Variants in MTUS1 observed in about 807,000 individuals in gnomAD.
The protein encoded by MTUS1 is microtubule-associated tumor suppressor 1.
MTUS1 carries 109 observed loss-of-function variants against 120.8 expected under a neutral mutation model. The ratio of observed to expected loss-of-function variants is 0.90; its 90% CI spans 0.77 to 1.06. The LOEUF (loss-of-function observed/expected upper bound fraction) is 1.06. Among genes scored for constraint, MTUS1 ranks in the 50% least tolerant of loss-of-function variants. The pLI, the probability that MTUS1 is intolerant of heterozygous loss-of-function variation, is 0.00. For synonymous variants in MTUS1, 737 were observed against 550.5 expected (o/e 1.34, Z -4.74); for missense variants, 2,210 against 1,486.3 (o/e 1.49, Z -8.01).
chr8:17,715,735 C>T (rs761504665), intron 5 of MTUS1, 32 bp downstream of exon 5: 6 of 1,577,580 alleles, frequency 3.8e-6, no homozygotes, highest in Non-Finnish European at 5.1e-6. Context: ...AGCGTCTTGC[C>T]CTCCCTCTTC....
chr8:17,779,924 A>G (rs977968778), intron 1 of MTUS1, among the ~76,000 whole-genome samples: 5 of 152,178 alleles, frequency 3.3e-5, no homozygotes, highest in Admixed American at 2.6e-4. Flanking sequence ...CTCAACTGTC[A>G]ATGTGACATC....
In MTUS1 at chr8:17,723,294, T is replaced by C. The variant is rs1389315914; in HGVS notation, c.2449+378A>G. 1.4e-4 allele frequency: 37 copies of C among 271,462 alleles called. 1 individual carries two copies. Among genetic ancestry groups the C allele is most frequent in the Non-Finnish European group, 1.5e-5 (2 of 136,314 alleles). 16.8% of individuals were successfully genotyped at this position (271,462 alleles called of 1,614,324 possible). On this transcript the variant is annotated intron_variant, in intron 4 of 14. Transcript: ENST00000693296. Reference sequence around the variant, plus strand: ...AGGATTCAAGTTATATTAGTCCTATTACACAAAATCTAGCATCCAAAGATT... The same window carrying C: ...AGGATTCAAGTTATATTAGTCCTATCACACAAAATCTAGCATCCAAAGATT...
chr8:17,790,998 G>GT (rs1386561396), intron 1 of MTUS1, among the ~76,000 whole-genome samples: 1 of 152,022 alleles, frequency 6.6e-6, no homozygotes, highest in African/African-American at 2.4e-5. Context: ...GCGGGGAGAA[G>GT]TTTTATCCCA....
At chr8:17,657,297 G>A (rs2979796) in intron 8 of MTUS1, among the ~76,000 whole-genome samples, 45,102 of 151,154 alleles carry the variant, frequency 0.3, 7,757 homozygotes, top group East Asian at 0.4. Context: ...GACCGGGCGC[G>A]GTGGCTCACG....
chr8:17,717,171 T>C (rs1822501689), intron 4 of MTUS1, among the ~76,000 whole-genome samples: 1 of 152,192 alleles, frequency 6.6e-6, no homozygotes, highest in Non-Finnish European at 1.5e-5. Flanking sequence ...TTCATTGTTC[T>C]CGTGCCCAAA....
chr8:17,694,243 A>G (rs1817521841), intron 6 of MTUS1, among the ~76,000 whole-genome samples: 2 of 152,170 alleles, frequency 1.3e-5, no homozygotes, highest in Non-Finnish European at 2.9e-5. Context: ...AGCAGTTTCA[A>G]TGCTTCAACA....
intron 1 of MTUS1, among the ~76,000 whole-genome samples, chr8:17,778,379 C>G (rs2050617502): frequency 2.0e-5 from 3 of 152,132 alleles, no homozygotes; most frequent in African/African-American, 7.2e-5. Context: ...GAAAGGGGCA[C>G]AAGGAAACTT....
At chr8:17,716,740 G>C (rs907531367) in intron 4 of MTUS1, 2 of 152,302 alleles carry the variant, frequency 1.3e-5, no homozygotes, top group Non-Finnish European at 2.9e-5. Context: ...ATTTTTAGTG[G>C]AGACGGGGTT....
At chr8:17,745,352 C>T (rs974149889) in intron 2 of MTUS1, among the ~76,000 whole-genome samples, 13 of 152,156 alleles carry the variant, frequency 8.5e-5, no homozygotes, top group African/African-American at 1.7e-4. Flanking sequence ...ATCATCTCCA[C>T]GATCATTACT....
chr8:17,777,420 C>A (rs533656142), intron 1 of MTUS1, among the ~76,000 whole-genome samples: 2 of 146,514 alleles, frequency 1.4e-5, no homozygotes, highest in South Asian at 4.3e-4. Flanking sequence ...GCTTGGGTGA[C>A]AGAGGGAGAC....
At chr8:17,658,022 T>C (rs113968499) in intron 8 of MTUS1, among the ~76,000 whole-genome samples, 26 of 36,364 alleles carry the variant, frequency 7.1e-4, no homozygotes, top group Non-Finnish European at 9.4e-4. Context: ...ACTATATATA[T>C]AGACACACAC....
At chr8:17,735,132 A>T (rs984482752) in intron 3 of MTUS1, among the ~76,000 whole-genome samples, 1 of 152,032 alleles carries the variant, frequency 6.6e-6, no homozygotes, top group African/African-American at 2.4e-5. Flanking sequence ...TAGTCTCTAC[A>T]TATTTTTACT....
At chr8:17,749,718 C>G (rs1055501063) in intron 2 of MTUS1, among the ~76,000 whole-genome samples, 1 of 151,690 alleles carries the variant, frequency 6.6e-6, no homozygotes, top group African/African-American at 2.4e-5. Flanking sequence ...TGCCTGTGAC[C>G]TGGAAGCTGC....
At chr8:17,671,324 G>A (rs1811977094) in intron 8 of MTUS1, among the ~76,000 whole-genome samples, 1 of 149,488 alleles carries the variant, frequency 6.7e-6, no homozygotes, top group South Asian at 2.1e-4. Context: ...TATTTATCGA[G>A]TACCCAAGAA....
chr8:17,744,561 C>T (rs765377578), intron 2 of MTUS1, among the ~76,000 whole-genome samples: 23 of 152,082 alleles, frequency 1.5e-4, no homozygotes, highest in African/African-American at 3.4e-4. Flanking sequence ...GCTGGGATTA[C>T]GGGTGCACAC....
intron 3 of MTUS1, among the ~76,000 whole-genome samples, chr8:17,740,317 G>T (rs2047218617): frequency 2.0e-5 from 3 of 152,198 alleles, no homozygotes; most frequent in Non-Finnish European, 2.9e-5. Flanking sequence ...TTTCAATACT[G>T]GGTCTGGTTT....
chr8:17,763,924 C>G (rs538222350), intron 1 of MTUS1, among the ~76,000 whole-genome samples: 1 of 152,224 alleles, frequency 6.6e-6, no homozygotes, highest in East Asian at 1.9e-4. Flanking sequence ...CAAAGCAAGC[C>G]AAGTGTGGAA....
chr8:17,753,176 C>T (rs192407344), intron 2 of MTUS1, among the ~76,000 whole-genome samples: 144 of 152,192 alleles, frequency 9.5e-4, no homozygotes, highest in Middle Eastern at 3.4e-3. Flanking sequence ...CTTTGGGTCT[C>T]GAAAAATTAC....
Position 17,755,588 on chromosome 8 carries a change from GGCTTAAAGAAA to G in MTUS1, c.209_219del (p.Ile70ThrfsTer5), listed in dbSNP as rs752886223. ...TGACCAAATACTTCAACACCCTGAA[GGCTTAAAGAAA>G]TATTTTCACCAGTAACTACAGCAGG... On this transcript the variant is annotated frameshift_variant, in exon 2 of 15. Coordinates refer to ENST00000693296, the MANE Select transcript of MTUS1 (RefSeq NM_001363059.2). LOFTEE classifies it high-confidence loss of function. The G allele has an allele frequency of 9.9e-6, 16 of 1,614,018 alleles. No homozygotes were observed. In the Admixed American group the frequency reaches 2.7e-4, roughly 27 times the overall value.
Sources: allele counts gnomAD v4.1 joint callset (sites outside exome capture counted in the v4.1 genomes callset), GRCh38; gene constraint gnomAD v4.1.1; transcripts MANE v1.5; gene names NCBI Gene and HGNC (gene_info 2026-07-23, HGNC 2026-07-21).